The following PDE7B variants were observed in gnomAD, a reference collection of about 807,000 sequenced individuals.
PDE7B encodes 3',5'-cyclic-AMP phosphodiesterase 7B.
A neutral mutation model predicts 56.2 loss-of-function variants in PDE7B; 29 were observed. That is an observed-to-expected ratio of 0.52 (90% CI 0.38 to 0.70). PDE7B has a LOEUF of 0.70. Ranked by LOEUF, PDE7B falls within the 30% of genes least tolerant of loss-of-function variation. The probability of loss-of-function intolerance (pLI) is 0.00; values close to 1 mark genes in which losing one functional copy is unlikely to be tolerated. For missense variants in PDE7B, 490 were observed against 565.0 expected, an observed-to-expected ratio of 0.87 and a Z score of 1.35; for synonymous variants, 197 against 196.9, an observed-to-expected ratio of 1.00 and a Z score of 0.00.
At chr6:135,969,525 G>C (rs1241718264) in intron 2 of PDE7B, among the ~76,000 whole-genome samples, 1 of 151,930 alleles carries the variant, frequency 6.6e-6, no homozygotes, top group Non-Finnish European at 1.5e-5. Flanking sequence ...AAAGGGGAGA[G>C]GATTCCCTAT....
At chr6:135,992,738 C>T (rs774567094) in intron 2 of PDE7B, among the ~76,000 whole-genome samples, 19 of 152,210 alleles carry the variant, frequency 1.2e-4, no homozygotes, top group East Asian at 1.2e-3. Flanking sequence ...GTTTCATCTA[C>T]GGATATTAAA....
intron 1 of PDE7B, among the ~76,000 whole-genome samples, chr6:135,852,942 T>C (rs1774964608): frequency 6.6e-6 from 1 of 152,230 alleles, no homozygotes; most frequent in African/African-American, 2.4e-5. Context: ...CACTAAATGC[T>C]GCAGGAAGAT....
At chr6:135,906,708 T>C (rs953071734) in intron 1 of PDE7B, among the ~76,000 whole-genome samples, 3 of 152,010 alleles carry the variant, frequency 2.0e-5, no homozygotes, top group Admixed American at 1.3e-4. Flanking sequence ...CTAAATGGTA[T>C]GAACGTACTT....
chr6:136,099,550 G>A (rs189078247), intron 2 of PDE7B, among the ~76,000 whole-genome samples: 113 of 152,300 alleles, frequency 7.4e-4, no homozygotes, highest in African/African-American at 2.4e-3. Context: ...TTTTTCATAT[G>A]TCTGTTGGCT....
chr6:136,191,713 A>G lies in PDE7B; in HGVS notation c.1226A>G (p.Asn409Ser), dbSNP rs1779228296. 6.2e-7 allele frequency: 1 copy of G among 1,612,740 alleles called. No homozygotes were observed. The highest frequency in any genetic ancestry group is 8.5e-7 in the Non-Finnish European group (1 of 1,179,424). ...SENMLGHLAH[N>S]KAQWKSLLPR... ...AACATGCTGGGCCACCTCGCACACAACAAGGCCCAGTGGAAGAGCCTGTTG... is the reference window on the plus strand; with the variant it reads ...AACATGCTGGGCCACCTCGCACACAGCAAGGCCCAGTGGAAGAGCCTGTTG... Residue 409 changes from asparagine (N) to serine (S), a missense_variant, in exon 13 of 13, where the codon AAC (asparagine) becomes AGC (serine). By Grantham distance (46) the Asn-to-Ser change is conservative. Coordinates refer to ENST00000308191, the MANE Select transcript of PDE7B (RefSeq NM_018945.4).
intron 3 of PDE7B, among the ~76,000 whole-genome samples, chr6:136,122,247 G>A (rs533178846): frequency 2.6e-5 from 4 of 151,936 alleles, no homozygotes; most frequent in South Asian, 2.1e-4. Flanking sequence ...CGCCTGTCTC[G>A]GCCTCCCAAA....
chr6:135,974,292 C>A (rs1562457192), intron 2 of PDE7B, among the ~76,000 whole-genome samples: 1 of 150,400 alleles, frequency 6.6e-6, no homozygotes, highest in Non-Finnish European at 1.5e-5. Context: ...TGTCTATATA[C>A]ATATATATAT....
At chr6:135,952,604 C>G (rs1244600519) in intron 2 of PDE7B, among the ~76,000 whole-genome samples, 1 of 152,104 alleles carries the variant, frequency 6.6e-6, no homozygotes, top group Non-Finnish European at 1.5e-5. Flanking sequence ...CTACACTGGA[C>G]TTCAAAACAT....
intron 1 of PDE7B, among the ~76,000 whole-genome samples, chr6:135,870,039 T>C (rs988810528): frequency 6.6e-6 from 1 of 152,140 alleles, no homozygotes; most frequent in South Asian, 2.1e-4. Context: ...AAGTGATTCA[T>C]GCTTTAAAAG....
chr6:136,035,542 A>G (rs928719678), intron 2 of PDE7B, among the ~76,000 whole-genome samples: 2 of 152,280 alleles, frequency 1.3e-5, no homozygotes, highest in Non-Finnish European at 1.5e-5. Context: ...TTCTTGTGGT[A>G]TTTTTGCCCT....
intron 2 of PDE7B, among the ~76,000 whole-genome samples, chr6:135,997,142 G>A (rs775295427): frequency 2.6e-5 from 4 of 151,734 alleles, no homozygotes; most frequent in Non-Finnish European, 5.9e-5. Flanking sequence ...AGCAGGCTGG[G>A]CACAATGGCT....
intron 2 of PDE7B, among the ~76,000 whole-genome samples, chr6:135,948,856 TAGATAGATAG>T (rs1774637376): frequency 7.9e-5 from 6 of 75,472 alleles, no homozygotes; most frequent in Non-Finnish European, 1.7e-4. Flanking sequence ...GATAGATAGA[TAGATAGATAG>T]ATAGATAGAT....
intron 2 of PDE7B, among the ~76,000 whole-genome samples, chr6:136,062,997 G>A (rs193171453): frequency 2.2e-3 from 334 of 152,174 alleles, no homozygotes; most frequent in African/African-American, 7.6e-3. Flanking sequence ...TATTAGTATG[G>A]GTTTGAATCT....
intron 8 of PDE7B, among the ~76,000 whole-genome samples, chr6:136,171,597 T>C (rs1778882612): frequency 6.6e-6 from 1 of 152,170 alleles, no homozygotes; most frequent in Non-Finnish European, 1.5e-5. Context: ...ATGACTATAG[T>C]GACATGGTAT....
intron 2 of PDE7B, among the ~76,000 whole-genome samples, chr6:135,999,502 G>A (rs1236443520): frequency 1.3e-5 from 2 of 151,922 alleles, no homozygotes; most frequent in Non-Finnish European, 2.9e-5. Flanking sequence ...TTATAAGTAA[G>A]AACATGTGGT....
At chr6:135,989,999 G>C (rs1397131573) in intron 2 of PDE7B, among the ~76,000 whole-genome samples, 1 of 152,064 alleles carries the variant, frequency 6.6e-6, no homozygotes, top group Non-Finnish European at 1.5e-5. Context: ...GCAAATATGT[G>C]GATAATATGG....
At chr6:136,133,859 A>G (rs949863745) in intron 3 of PDE7B, among the ~76,000 whole-genome samples, 1 of 152,122 alleles carries the variant, frequency 6.6e-6, no homozygotes, top group Non-Finnish European at 1.5e-5. Context: ...GAGAATATTC[A>G]ATTGAGAAGG....
intron 1 of PDE7B, among the ~76,000 whole-genome samples, chr6:135,857,031 TCCC>T (rs1775045160): frequency 9.4e-5 from 2 of 21,224 alleles, no homozygotes; most frequent in African/African-American, 1.6e-4. Flanking sequence ...TTTTCCTCCC[TCCC>T]TCCCTCCCTC....
chr6:135,901,135 C>T (rs1340345293), intron 1 of PDE7B, among the ~76,000 whole-genome samples: 5 of 152,118 alleles, frequency 3.3e-5, no homozygotes, highest in African/African-American at 1.2e-4. Flanking sequence ...GAGGGGATGA[C>T]CTTCTACCTA....
Sources: gnomAD v4.1 joint callset for allele counts (sites outside exome capture counted in the v4.1 genomes callset) on GRCh38, gnomAD v4.1.1 for gene constraint, MANE v1.5 for transcripts, NCBI Gene and HGNC (gene_info 2026-07-23, HGNC 2026-07-21) for gene names.